The following CSMD3 variants were observed in gnomAD, a reference collection of about 807,000 sequenced individuals.
CSMD3 encodes CUB and sushi domain-containing protein 3.
A neutral mutation model predicts 435.2 loss-of-function variants in CSMD3; 177 were observed. That is an observed-to-expected ratio of 0.41 (90% CI 0.36 to 0.46). The LOEUF (loss-of-function observed/expected upper bound fraction) is 0.46. Ranked by LOEUF, CSMD3 falls within the 20% of genes least tolerant of loss-of-function variation. The pLI is 0.34. For synonymous variants in CSMD3, 1,656 were observed against 1,520.5 expected (o/e 1.09, Z -2.07); for missense variants, 4,265 against 4,504.6 (o/e 0.95, Z 1.52).
chr8:112,280,754 A>G (rs375188373), intron 59 of CSMD3, among the ~76,000 whole-genome samples: 22 of 152,316 alleles, frequency 1.4e-4, no homozygotes, highest in African/African-American at 5.3e-4. Flanking sequence ...TCAGTTATCG[A>G]GACTCACTAC....
At chr8:112,958,131 A>G (rs1026787882) in intron 7 of CSMD3, among the ~76,000 whole-genome samples, 1 of 152,092 alleles carries the variant, frequency 6.6e-6, no homozygotes, top group Non-Finnish European at 1.5e-5. Flanking sequence ...TGATGGGAGG[A>G]AGTGATTTTA....
At chr8:112,961,597 A>C in intron 7 of CSMD3, among the ~76,000 whole-genome samples, 1 of 151,884 alleles carries the variant, frequency 6.6e-6, no homozygotes, top group East Asian at 1.9e-4. Context: ...CACTTGGAAA[A>C]CTGAACAGAG....
intron 32 of CSMD3, 102 bp from the exon 33 acceptor site, chr8:112,409,134 T>G: frequency 1.9e-6 from 3 of 1,564,190 alleles, no homozygotes; most frequent in Non-Finnish European, 2.6e-6. Context: ...GAACAAAGTA[T>G]TACAATATAA....
chr8:112,344,951 T>A (rs1825521155), intron 41 of CSMD3, among the ~76,000 whole-genome samples: 1 of 152,118 alleles, frequency 6.6e-6, no homozygotes, highest in Non-Finnish European at 1.5e-5. Context: ...TACTACTTGA[T>A]TACAGCAATA....
At chr8:113,372,158 A>G (rs1243945865) in intron 1 of CSMD3, among the ~76,000 whole-genome samples, 2 of 152,184 alleles carry the variant, frequency 1.3e-5, no homozygotes, top group African/African-American at 4.8e-5. Context: ...TCAATTTTTT[A>G]TATCAGAAAA....
At chr8:113,296,771 C>T (rs948079772) in intron 2 of CSMD3, among the ~76,000 whole-genome samples, 14 of 151,670 alleles carry the variant, frequency 9.2e-5, no homozygotes, top group African/African-American at 2.9e-4. Context: ...AGAAAACACA[C>T]GATCTCTACA....
chr8:113,292,677 G>A (rs1206456922), intron 2 of CSMD3, among the ~76,000 whole-genome samples: 2 of 151,808 alleles, frequency 1.3e-5, no homozygotes, highest in Non-Finnish European at 2.9e-5. Context: ...ATATGAGATG[G>A]CATGCTGTTA....
At chr8:112,773,879 T>C (rs2078182153) in intron 13 of CSMD3, among the ~76,000 whole-genome samples, 1 of 151,970 alleles carries the variant, frequency 6.6e-6, no homozygotes, top group Non-Finnish European at 1.5e-5. Flanking sequence ...AATAGTAACA[T>C]AGGGGAACTC....
At chr8:112,365,473 T>C (rs56012180) in intron 38 of CSMD3, among the ~76,000 whole-genome samples, 1 of 87,190 alleles carries the variant, frequency 1.1e-5, no homozygotes, top group South Asian at 4.1e-4. Context: ...ATTTCCTTTT[T>C]TTTTTTTTTT....
rs143578744 is a variant in CSMD3, at chr8:112,476,867, C to T, written c.5279-4160G>A. Among the ~76,000 whole-genome samples the T allele has an allele frequency of 5.3e-5, 8 of 152,268 alleles. No individual in the cohort carries two copies. In the East Asian group the frequency reaches 1.4e-3, roughly 26 times the overall value. Reference sequence around the variant, plus strand: ...TCTATAACTGTCACAGTCCAGACTCCCATCAATTTCTGCATGTGCTCTTTG... The same window carrying T: ...TCTATAACTGTCACAGTCCAGACTCTCATCAATTTCTGCATGTGCTCTTTG... On this transcript the variant is annotated intron_variant, in intron 31 of 70. Coordinates refer to ENST00000297405, the MANE Select transcript of CSMD3 (RefSeq NM_198123.2).
intron 32 of CSMD3, among the ~76,000 whole-genome samples, chr8:112,440,193 G>C (rs1363544894): frequency 1.3e-5 from 2 of 152,126 alleles, no homozygotes; most frequent in East Asian, 1.9e-4. Flanking sequence ...TTCCAAATGG[G>C]AGAAATTGGT....
At chr8:112,293,266 A>T (rs1240963823) in intron 54 of CSMD3, among the ~76,000 whole-genome samples, 1 of 152,078 alleles carries the variant, frequency 6.6e-6, no homozygotes, top group Non-Finnish European at 1.5e-5. Flanking sequence ...TCCAGACTAG[A>T]TGACAGAATG....
rs2131190825 is a variant in CSMD3, at chr8:112,550,870, C to T, written c.4365G>A (p.Leu1455=). Residue 1455 remains leucine (L), a synonymous_variant, in exon 27 of 71, where the codon TTG becomes TTA. Transcript: ENST00000297405. ...CTTCCGTATCAAAAGCAAGAAACTGCAAGCTGTGGGAGAACCATATTTCTC... is the reference window on the plus strand; with the variant it reads ...CTTCCGTATCAAAAGCAAGAAACTGTAAGCTGTGGGAGAACCATATTTCTC... ...IEVDPGNIVS[L]QFLAFDTEAS... The T allele has an allele frequency of 1.2e-6, 2 of 1,605,996 alleles. No homozygotes were observed. Among genetic ancestry groups the T allele is most frequent in the South Asian group, 2.2e-5 (2 of 90,920 alleles).
At chr8:112,282,611 A>G (rs889893748) in intron 58 of CSMD3, among the ~76,000 whole-genome samples, 11 of 152,080 alleles carry the variant, frequency 7.2e-5, no homozygotes, top group African/African-American at 2.7e-4. Context: ...TGGTTTCAAG[A>G]TATGGCCAAA....
At chr8:112,692,603 C>T (rs1242309042) in intron 13 of CSMD3, among the ~76,000 whole-genome samples, 1 of 152,134 alleles carries the variant, frequency 6.6e-6, no homozygotes, top group African/African-American at 2.4e-5. Context: ...GATTTGACAA[C>T]ATTTTTTAAT....
intron 14 of CSMD3, among the ~76,000 whole-genome samples, chr8:112,686,706 G>C (rs545119220): frequency 6.6e-6 from 1 of 152,022 alleles, no homozygotes; most frequent in South Asian, 2.1e-4. Flanking sequence ...AGCTGATCTC[G>C]AACGCCTGAC....
intron 6 of CSMD3, among the ~76,000 whole-genome samples, chr8:112,998,897 C>T (rs926125602): frequency 3.9e-5 from 6 of 151,940 alleles, no homozygotes; most frequent in African/African-American, 9.7e-5. Context: ...GCTTCCCTTT[C>T]AATGACTGTA....
chr8:113,158,098 T>C (rs2091967287), intron 4 of CSMD3, among the ~76,000 whole-genome samples: 1 of 151,570 alleles, frequency 6.6e-6, no homozygotes, highest in East Asian at 1.9e-4. Context: ...AAATATACAT[T>C]GCTACCAGCA....
At chr8:113,112,031 C>G (rs1041040014) in intron 4 of CSMD3, among the ~76,000 whole-genome samples, 3 of 151,952 alleles carry the variant, frequency 2.0e-5, no homozygotes, top group African/African-American at 7.3e-5. Flanking sequence ...CTTCTTACTC[C>G]CTAATCCCTG....
Sources: gnomAD v4.1 joint callset for allele counts (sites outside exome capture counted in the v4.1 genomes callset) on GRCh38, gnomAD v4.1.1 for gene constraint, MANE v1.5 for transcripts, NCBI Gene and HGNC (gene_info 2026-07-23, HGNC 2026-07-21) for gene names.